Variants in KCNH5 observed in about 807,000 individuals in gnomAD.
The protein encoded by KCNH5 is potassium voltage-gated channel subfamily H member 5, also known as voltage-gated delayed rectifier potassium channel KCNH5.
In KCNH5, 46 loss-of-function variants were observed where a neutral mutation model predicts 96.1. The observed-to-expected ratio is 0.48, with a 90% CI of 0.38 to 0.61. The LOEUF is 0.61. Ranked by LOEUF, KCNH5 falls within the 20% of genes least tolerant of loss-of-function variation. The probability of loss-of-function intolerance (pLI) is 0.00; values close to 1 mark genes in which losing one functional copy is unlikely to be tolerated. For missense variants in KCNH5, 907 were observed against 1,225.8 expected, an observed-to-expected ratio of 0.74 and a Z score of 3.88; for synonymous variants, 439 against 449.8, an observed-to-expected ratio of 0.98 and a Z score of 0.30.
chr14:62,826,407 CATGT>C (rs1305161772), intron 8 of KCNH5, among the ~76,000 whole-genome samples: 1 of 53,742 alleles, frequency 1.9e-5, no homozygotes, highest in African/African-American at 9.3e-5. Flanking sequence ...TGCGTGCGTG[CATGT>C]GTGTGTGTGT....
chr14:62,727,535 T>C (rs138090275), intron 10 of KCNH5, among the ~76,000 whole-genome samples: 2 of 152,292 alleles, frequency 1.3e-5, no homozygotes, highest in African/African-American at 2.4e-5. Flanking sequence ...CACTTATGAT[T>C]TGTAGACATT....
At position 62,950,488 on chromosome 14, in the gene KCNH5, C is replaced by T. The variant is rs554178376; in HGVS notation, c.1014G>A (p.Leu338=). ...CTGCTCCATATTCTAGGTAATGGTC[C>T]AGTTTCCTAGCCACACGGCCCAGTC... The part of the protein sequence containing the change: ...LLRLGRVARK[L]DHYLEYGAAV... Residue 338 remains leucine (L), a synonymous_variant, in exon 7 of 11, where the codon CTG becomes CTA. Coordinates refer to ENST00000322893, the MANE Select transcript of KCNH5 (RefSeq NM_139318.5). The T allele has an allele frequency of 6.2e-7, 1 of 1,611,758 alleles. No homozygotes were observed. Among genetic ancestry groups the T allele is most frequent in the African/African-American group, 1.3e-5 (1 of 74,892 alleles).
At chr14:63,010,125 A>G in intron 2 of KCNH5, among the ~76,000 whole-genome samples, 1 of 152,282 alleles carries the variant, frequency 6.6e-6, no homozygotes, top group East Asian at 1.9e-4. Context: ...GAAGCAATCT[A>G]TCTCTGTTAT....
intron 10 of KCNH5, among the ~76,000 whole-genome samples, chr14:62,774,231 C>T (rs966041987): frequency 6.6e-6 from 1 of 151,882 alleles, no homozygotes; most frequent in Admixed American, 6.6e-5. Flanking sequence ...TGGTTTTGTA[C>T]TGGAGATGGT....
chr14:62,740,438 T>C (rs1311052114), intron 10 of KCNH5, among the ~76,000 whole-genome samples: 1 of 152,122 alleles, frequency 6.6e-6, no homozygotes, highest in Non-Finnish European at 1.5e-5. Context: ...ATTGCCCTCC[T>C]CCTGCTGTCC....
chr14:62,966,651 G>A (rs1890310431), intron 6 of KCNH5, among the ~76,000 whole-genome samples: 1 of 152,066 alleles, frequency 6.6e-6, no homozygotes, highest in African/African-American at 2.4e-5. Flanking sequence ...TCAGATAAAT[G>A]GTTTGATTTT....
At chr14:62,784,250 G>A (rs1047773215) in intron 9 of KCNH5, among the ~76,000 whole-genome samples, 1 of 152,158 alleles carries the variant, frequency 6.6e-6, no homozygotes, top group African/African-American at 2.4e-5. Flanking sequence ...ACACTACCAT[G>A]AGAACAGTAT....
At chr14:62,945,389 G>T (rs920247457) in intron 7 of KCNH5, among the ~76,000 whole-genome samples, 1 of 152,140 alleles carries the variant, frequency 6.6e-6, no homozygotes, top group African/African-American at 2.4e-5. Context: ...TTGCTGGCAC[G>T]TACTTGATCG....
intron 9 of KCNH5, among the ~76,000 whole-genome samples, chr14:62,799,691 T>TTATATATATATATATA (rs71410693): frequency 2.2e-4 from 13 of 58,012 alleles, no homozygotes; most frequent in East Asian, 7.9e-4. Flanking sequence ...GTATATACCT[T>TTATATATATATATATA]TATATATATA....
At chr14:62,969,268 T>C (rs1890358974) in intron 6 of KCNH5, among the ~76,000 whole-genome samples, 1 of 152,104 alleles carries the variant, frequency 6.6e-6, no homozygotes, top group African/African-American at 2.4e-5. Flanking sequence ...AAATCAGTGC[T>C]TACAGGGAAA....
chr14:62,864,420 T>C (rs778646165), intron 7 of KCNH5, among the ~76,000 whole-genome samples: 1 of 152,180 alleles, frequency 6.6e-6, no homozygotes, highest in Non-Finnish European at 1.5e-5. Context: ...CTGAAACCAC[T>C]GTTTTCTTTT....
At chr14:62,753,190 T>A (rs1366128848) in intron 10 of KCNH5, among the ~76,000 whole-genome samples, 1 of 152,126 alleles carries the variant, frequency 6.6e-6, no homozygotes, top group Non-Finnish European at 1.5e-5. Context: ...AATTCTGGTG[T>A]TGAAAAATGC....
chr14:63,000,022 G>A (rs1440051244), intron 4 of KCNH5, among the ~76,000 whole-genome samples: 2 of 152,064 alleles, frequency 1.3e-5, no homozygotes, highest in East Asian at 1.9e-4. Context: ...TACTTTATTC[G>A]ATCTTCAAAG....
chr14:63,013,040 C>A (rs1481556830), intron 2 of KCNH5, among the ~76,000 whole-genome samples: 1 of 151,410 alleles, frequency 6.6e-6, no homozygotes, highest in Non-Finnish European at 1.5e-5. Flanking sequence ...TTAGAGAGAG[C>A]AAAATGACAA....
intron 7 of KCNH5, among the ~76,000 whole-genome samples, chr14:62,913,824 C>A (rs777194293): frequency 6.6e-6 from 1 of 152,016 alleles, no homozygotes; most frequent in Non-Finnish European, 1.5e-5. Flanking sequence ...AGTAATACAC[C>A]CCTGAAGCTT....
chr14:62,826,268 G>A (rs1421944145), intron 8 of KCNH5, among the ~76,000 whole-genome samples: 1 of 151,906 alleles, frequency 6.6e-6, no homozygotes, highest in Non-Finnish European at 1.5e-5. Flanking sequence ...GCTTCATTGT[G>A]AATCATGTTC....
At chr14:62,784,453 A>G (rs1489919256) in intron 9 of KCNH5, among the ~76,000 whole-genome samples, 1 of 152,224 alleles carries the variant, frequency 6.6e-6, no homozygotes, top group African/African-American at 2.4e-5. Flanking sequence ...AAGAAAATGC[A>G]TTTAAATAAT....
At chr14:62,972,704 A>C (rs1890432365) in intron 6 of KCNH5, among the ~76,000 whole-genome samples, 1 of 152,204 alleles carries the variant, frequency 6.6e-6, no homozygotes, top group Non-Finnish European at 1.5e-5. Context: ...TCAAGCCTTG[A>C]AAAAACACAG....
intron 7 of KCNH5, among the ~76,000 whole-genome samples, chr14:62,862,253 G>A (rs1888051192): frequency 1.3e-5 from 2 of 152,060 alleles, no homozygotes; most frequent in Non-Finnish European, 2.9e-5. Flanking sequence ...CAGTAAGATT[G>A]ATCCGAGATA....
Sources: allele counts gnomAD v4.1 joint callset (sites outside exome capture counted in the v4.1 genomes callset), GRCh38; gene constraint gnomAD v4.1.1; transcripts MANE v1.5; gene names NCBI Gene and HGNC (gene_info 2026-07-23, HGNC 2026-07-21).